Variants in BCAS3 observed in about 807,000 individuals in gnomAD.
The protein encoded by BCAS3 is BCAS3 microtubule associated cell migration factor.
BCAS3 carries 53 observed loss-of-function variants against 116.1 expected under a neutral mutation model. The observed-to-expected ratio is 0.46, with a 90% CI of 0.37 to 0.57. The LOEUF (loss-of-function observed/expected upper bound fraction) is 0.57. BCAS3 is among the 20% of genes least tolerant of loss of function. BCAS3 has a pLI of 0.00. For synonymous variants in BCAS3, 391 were observed against 408.2 expected (o/e 0.96, Z 0.51); for missense variants, 917 against 1,165.4 (o/e 0.79, Z 3.10).
chr17:61,304,917 C>CTAATTTTTTTTGTATTAT (rs2053729536), intron 22 of BCAS3, among the ~76,000 whole-genome samples: 1 of 152,118 alleles, frequency 6.6e-6, no homozygotes, highest in Non-Finnish European at 1.5e-5. Flanking sequence ...CCACGCCCAG[C>CTAATTTTTTTTGTATTAT]TAATTTTTTT....
chr17:60,994,812 A>G lies in BCAS3; in HGVS notation c.1486+4577A>G, dbSNP rs2063736970. 6.6e-6 allele frequency among the ~76,000 whole-genome samples: 1 copy of G among 152,196 alleles called. No individual in the cohort carries two copies. The highest frequency in any genetic ancestry group is 2.1e-4 in the South Asian group (1 of 4,828). ...TCTCTTAAGCCTTCTTTTGATTTTT[A>G]TCATCTTTTTCAACCTTGGTATTGG... On this transcript the variant is annotated intron_variant, in intron 15 of 23. Transcript: ENST00000407086. The surrounding 1 kb of genome is among the most constrained non-coding windows in gnomAD (Gnocchi z 4.4).
chr17:61,373,734 T>C (rs28559726), intron 23 of BCAS3, among the ~76,000 whole-genome samples: 112,762 of 140,898 alleles, frequency 0.8, 47,743 homozygotes, highest in Non-Finnish European at 0.93. Context: ...GCCCAGCCCC[T>C]GTTTAAAGTA....
At position 61,251,763 on chromosome 17, in the gene BCAS3, G is replaced by C. The variant is rs1478796465; in HGVS notation, c.2426-116564G>C. On this transcript the variant is annotated intron_variant, in intron 22 of 23. Transcript: ENST00000407086. The surrounding 1 kb of genome is among the most constrained non-coding windows in gnomAD (Gnocchi z 4.7). ...AGCAATAGCAACTGGGAAAAGGCTA[G>C]ACTGCTAGGTTCCCAGCTATACTGG... 6.6e-6 allele frequency among the ~76,000 whole-genome samples: 1 copy of C among 152,150 alleles called. No individual in the cohort carries two copies. Among genetic ancestry groups the C allele is most frequent in the Admixed American group, 6.5e-5 (1 of 15,280 alleles).
intron 15 of BCAS3, among the ~76,000 whole-genome samples, chr17:61,009,774 T>G (rs2064981518): frequency 6.6e-6 from 1 of 152,044 alleles, no homozygotes; most frequent in Admixed American, 6.6e-5. Context: ...TTCTTGCAGT[T>G]GGCAGTTTGC....
At chr17:60,850,636 G>A (rs919893489) in intron 7 of BCAS3, among the ~76,000 whole-genome samples, 1 of 152,072 alleles carries the variant, frequency 6.6e-6, no homozygotes, top group Non-Finnish European at 1.5e-5. Flanking sequence ...TGGGATTAGA[G>A]GCGTGAGCCA....
chr17:60,752,670 G>A (rs1370024251), intron 6 of BCAS3, among the ~76,000 whole-genome samples: 6 of 151,994 alleles, frequency 3.9e-5, no homozygotes, highest in African/African-American at 7.2e-5. Flanking sequence ...TGATCCGCCT[G>A]CCTCGGCCTT....
intron 22 of BCAS3, among the ~76,000 whole-genome samples, chr17:61,304,632 C>A (rs543569834): frequency 6.6e-5 from 10 of 152,102 alleles, no homozygotes; most frequent in African/African-American, 1.9e-4. Context: ...CTCCTTTGGA[C>A]TTTCATAGAG....
chr17:60,833,270 T>TA (rs1458969752), intron 7 of BCAS3, among the ~76,000 whole-genome samples: 1 of 152,242 alleles, frequency 6.6e-6, no homozygotes, highest in Admixed American at 6.5e-5. Context: ...CTTCTTGAAA[T>TA]ACCTTTTAGA....
chr17:61,122,525 C>T lies in BCAS3; in HGVS notation c.2425+37961C>T, dbSNP rs1196931567. Among the ~76,000 whole-genome samples, 1 of 152,174 alleles carries T rather than the reference C, an allele frequency of 6.6e-6. No individual in the cohort carries two copies. The highest frequency in any genetic ancestry group is 1.5e-5 in the Non-Finnish European group (1 of 68,038). On this transcript the variant is annotated intron_variant, in intron 22 of 23. Coordinates refer to ENST00000407086, the MANE Select transcript of BCAS3 (RefSeq NM_017679.5). The surrounding 1 kb of genome is among the most constrained non-coding windows in gnomAD (Gnocchi z 4.6). The stretch of plus-strand genomic sequence containing the variant: ...AATTCTCTGAGTACATGCATTTTCA[C>T]ACATCTGCTAATGCAAAAGCCCCGT...
rs1469083569 is a variant in BCAS3 at position 61,244,784 on chromosome 17, AC to A, written c.2426-123540del. Among the ~76,000 whole-genome samples, 38 of 152,030 alleles carry A rather than the reference AC, an allele frequency of 2.5e-4. No homozygotes were observed. The highest frequency in any genetic ancestry group is 5.9e-5 in the Non-Finnish European group (4 of 68,012). On this transcript the variant is annotated intron_variant, in intron 22 of 23. Coordinates refer to ENST00000407086, the MANE Select transcript of BCAS3 (RefSeq NM_017679.5). This position sits in a 1 kb window ranked among gnomAD's most constrained non-coding sequence, Gnocchi z 4.9. ...AGAATGAGGCAGGAGAATGGCATGAACCCAGGAGGCAGAGCTTGCAGTGAGC... is the reference window on the plus strand; with the variant it reads ...AGAATGAGGCAGGAGAATGGCATGAACCAGGAGGCAGAGCTTGCAGTGAGC...
At chr17:60,761,088 T>G (rs1024525829) in intron 6 of BCAS3, among the ~76,000 whole-genome samples, 6 of 152,154 alleles carry the variant, frequency 3.9e-5, no homozygotes, top group African/African-American at 1.4e-4. Flanking sequence ...TTATCTCTTT[T>G]GTAAATGTCT....
chr17:60,814,306 T>TGTGTGCGTGTGCGC (rs368289350), intron 7 of BCAS3, among the ~76,000 whole-genome samples: 1 of 148,198 alleles, frequency 6.7e-6, no homozygotes, highest in African/African-American at 2.5e-5. Flanking sequence ...TGTGTGTGTG[T>TGTGTGCGTGTGCGC]GCGCGCGTGC....
rs1364030950 is a variant in BCAS3, at chr17:61,343,741, CTCTG to C, written c.2426-24582_2426-24579del. ...TATCCTCCAGGAACTTGTGATTATCCTCTGTCTAAGTCAAAAGCAGCTTAATTCC... is the reference window on the plus strand; with the variant it reads ...TATCCTCCAGGAACTTGTGATTATCCTCTAAGTCAAAAGCAGCTTAATTCC... On this transcript the variant is annotated intron_variant, in intron 22 of 23. Coordinates refer to ENST00000407086, the MANE Select transcript of BCAS3 (RefSeq NM_017679.5). This position sits in a 1 kb window ranked among gnomAD's most constrained non-coding sequence, Gnocchi z 5.5. 2.0e-5 allele frequency among the ~76,000 whole-genome samples: 3 copies of C among 152,224 alleles called. No homozygotes were observed. The highest frequency in any genetic ancestry group is 2.9e-5 in the Non-Finnish European group (2 of 68,046).
intron 22 of BCAS3, among the ~76,000 whole-genome samples, chr17:61,317,989 C>T (rs946305140): frequency 6.6e-6 from 1 of 152,122 alleles, no homozygotes; most frequent in African/African-American, 2.4e-5. Flanking sequence ...TTCTGGCAGG[C>T]GTAACGCGTA....
intron 18 of BCAS3, among the ~76,000 whole-genome samples, chr17:61,038,723 C>T (rs937927962): frequency 8.7e-5 from 12 of 137,862 alleles, no homozygotes; most frequent in Non-Finnish European, 1.7e-4. Flanking sequence ...GGCTGGAGGG[C>T]AGTGGCACGA....
intron 6 of BCAS3, among the ~76,000 whole-genome samples, chr17:60,766,841 G>A (rs1030293681): frequency 1.3e-5 from 2 of 152,168 alleles, no homozygotes; most frequent in East Asian, 1.9e-4. Flanking sequence ...GTTGAGCTGC[G>A]GTGGGCTCCA....
At chr17:60,818,648 C>T (rs28394355) in intron 7 of BCAS3, among the ~76,000 whole-genome samples, 24,185 of 152,062 alleles carry the variant, frequency 0.16, 2,661 homozygotes, top group African/African-American at 0.32. Flanking sequence ...CCAGTCTTTG[C>T]TGCTTGTAGA....
At chr17:61,373,901 G>A (rs553066794) in intron 23 of BCAS3, among the ~76,000 whole-genome samples, 21 of 138,002 alleles carry the variant, frequency 1.5e-4, no homozygotes, top group African/African-American at 2.7e-5. Context: ...GGGTTCAAGC[G>A]AATCGCATGC....
intron 12 of BCAS3, among the ~76,000 whole-genome samples, chr17:60,923,752 C>G (rs1319346321): frequency 6.6e-6 from 1 of 151,980 alleles, no homozygotes. Flanking sequence ...TCAGTGTAGC[C>G]TTAAAAATTA....
Sources: allele counts gnomAD v4.1 joint callset (sites outside exome capture counted in the v4.1 genomes callset), GRCh38; gene constraint gnomAD v4.1.1; non-coding constraint Gnocchi (gnomAD v3.1); transcripts MANE v1.5; gene names NCBI Gene and HGNC (gene_info 2026-07-23, HGNC 2026-07-21).